The following HPSE2 variants were observed in gnomAD, a reference collection of about 807,000 sequenced individuals.
The protein encoded by HPSE2 is inactive heparanase-2.
In HPSE2, 38 loss-of-function variants were observed where a neutral mutation model predicts 60.5. The ratio of observed to expected loss-of-function variants is 0.63; its 90% CI spans 0.48 to 0.82. The LOEUF (loss-of-function observed/expected upper bound fraction) is 0.82, where lower values mean the gene tolerates loss of function less well. Ranked by LOEUF, HPSE2 falls within the 40% of genes least tolerant of loss-of-function variation. The pLI is 0.00. For synonymous variants in HPSE2, 295 were observed against 293.2 expected, an observed-to-expected ratio of 1.01 and a Z score of -0.06; for missense variants, 713 against 740.4, an observed-to-expected ratio of 0.96 and a Z score of 0.43.
At chr10:98,956,439 A>C (rs2135214301) in intron 3 of HPSE2, among the ~76,000 whole-genome samples, 1 of 152,262 alleles carries the variant, frequency 6.6e-6, no homozygotes, top group Admixed American at 6.5e-5. Flanking sequence ...AGTAAGATAA[A>C]ACTTATTTCT....
intron 3 of HPSE2, among the ~76,000 whole-genome samples, chr10:99,020,281 A>C (rs1957233830): frequency 6.6e-6 from 1 of 152,132 alleles, no homozygotes; most frequent in Admixed American, 6.6e-5. Flanking sequence ...TAAATATATA[A>C]TTCATAAACT....
At chr10:98,796,484 G>A (rs1589839150) in intron 3 of HPSE2, among the ~76,000 whole-genome samples, 2 of 152,188 alleles carry the variant, frequency 1.3e-5, no homozygotes, top group African/African-American at 4.8e-5. Context: ...GTATTGTGGT[G>A]TGAGTGCCAG....
rs570672208 is a variant in HPSE2, at chr10:98,867,654, A to G, written c.611-123598T>C. ...ATCCCACTGCTGGATATACACCCCAAAGAAAGAAAATTAGTATATCAAAGA... is the reference window on the plus strand; with the variant it reads ...ATCCCACTGCTGGATATACACCCCAGAGAAAGAAAATTAGTATATCAAAGA... On this transcript the variant is annotated intron_variant, in intron 3 of 11. Transcript: ENST00000370552. 1.8e-4 allele frequency among the ~76,000 whole-genome samples: 27 copies of G among 152,324 alleles called. 1 individual carries two copies. The highest frequency in any genetic ancestry group is 1.7e-3 in the South Asian group (8 of 4,828).
At chr10:99,111,529 A>G (rs1263832136) in intron 3 of HPSE2, among the ~76,000 whole-genome samples, 4 of 152,192 alleles carry the variant, frequency 2.6e-5, no homozygotes, top group Non-Finnish European at 5.9e-5. Flanking sequence ...AAAGAACAAG[A>G]AGGAAGAAAG....
At chr10:98,995,506 G>C (rs1956623126) in intron 3 of HPSE2, among the ~76,000 whole-genome samples, 1 of 152,010 alleles carries the variant, frequency 6.6e-6, no homozygotes, top group African/African-American at 2.4e-5. Flanking sequence ...CTACCTCTTT[G>C]AAAAAGTCAC....
intron 4 of HPSE2, among the ~76,000 whole-genome samples, chr10:98,742,731 T>C (rs897273227): frequency 4.0e-5 from 6 of 151,494 alleles, no homozygotes; most frequent in Non-Finnish European, 8.8e-5. Flanking sequence ...TTGTGTTCCA[T>C]GGAGTATTGT....
intron 3 of HPSE2, among the ~76,000 whole-genome samples, chr10:98,938,640 A>G (rs1240160994): frequency 6.9e-6 from 1 of 144,266 alleles, no homozygotes; most frequent in South Asian, 2.1e-4. Flanking sequence ...GGGAGAATGC[A>G]ACCAAGTTGG....
the HPSE2 span, among the ~76,000 whole-genome samples, chr10:99,302,367 G>A: frequency 6.9e-6 from 1 of 144,830 alleles, no homozygotes; most frequent in Non-Finnish European, 1.6e-5. Flanking sequence ...ACTTTTAGAT[G>A]CTGTCCAGCT....
At chr10:98,882,927 G>C (rs1590005030) in intron 3 of HPSE2, among the ~76,000 whole-genome samples, 1 of 152,068 alleles carries the variant, frequency 6.6e-6, no homozygotes, top group East Asian at 1.9e-4. Flanking sequence ...GTATTAGCAG[G>C]TTGTTGTTAT....
At chr10:98,576,976 C>T (rs1162560592) in intron 9 of HPSE2, among the ~76,000 whole-genome samples, 1 of 151,860 alleles carries the variant, frequency 6.6e-6, no homozygotes, top group Non-Finnish European at 1.5e-5. Flanking sequence ...ATTTCTGGTA[C>T]GAACGATGAG....
At chr10:98,678,554 T>A (rs543232294) in intron 6 of HPSE2, among the ~76,000 whole-genome samples, 1 of 152,234 alleles carries the variant, frequency 6.6e-6, no homozygotes, top group South Asian at 2.1e-4. Context: ...GTTATTGTGC[T>A]GAGTCAGGTG....
chr10:98,856,805 A>G (rs1358959618), intron 3 of HPSE2, among the ~76,000 whole-genome samples: 3 of 152,152 alleles, frequency 2.0e-5, no homozygotes, highest in Non-Finnish European at 4.4e-5. Flanking sequence ...GTCACCCCAC[A>G]TGTAGTCATT....
chr10:98,852,948 C>G (rs1236515943), intron 3 of HPSE2, among the ~76,000 whole-genome samples: 1 of 152,218 alleles, frequency 6.6e-6, no homozygotes, highest in Non-Finnish European at 1.5e-5. Context: ...ATAACCTACA[C>G]TGGATCATTT....
At chr10:98,750,729 G>A (rs1252805169) in intron 3 of HPSE2, among the ~76,000 whole-genome samples, 1 of 152,156 alleles carries the variant, frequency 6.6e-6, no homozygotes, top group Non-Finnish European at 1.5e-5. Flanking sequence ...TATGAAGGAA[G>A]TGTGAAAGAT....
chr10:98,562,807 A>G (rs1396403401), intron 9 of HPSE2, among the ~76,000 whole-genome samples: 3 of 151,684 alleles, frequency 2.0e-5, no homozygotes, highest in African/African-American at 7.3e-5. Context: ...GATTCTATGT[A>G]CAAATTTCTC....
rs77910507 is a variant in HPSE2, at chr10:98,806,699, C to G, written c.611-62643G>C. Reference sequence around the variant, plus strand: ...AATGGATATAATACTTTTTAAGTAACTAGACTGTTATGTGAATGTTGTGTA... The same window carrying G: ...AATGGATATAATACTTTTTAAGTAAGTAGACTGTTATGTGAATGTTGTGTA... On this transcript the variant is annotated intron_variant, in intron 3 of 11. Transcript: ENST00000370552. Among the ~76,000 whole-genome samples the G allele has an allele frequency of 1.1e-3, 169 of 152,286 alleles. 3 individuals carry two copies. The highest frequency in any genetic ancestry group is 3.8e-3 in the African/African-American group (157 of 41,564).
intron 9 of HPSE2, among the ~76,000 whole-genome samples, chr10:98,547,482 A>T (rs1476832875): frequency 3.3e-5 from 5 of 150,164 alleles, no homozygotes; most frequent in Admixed American, 3.3e-4. Flanking sequence ...GCCATAAAAA[A>T]TGATGAGTTC....
intron 3 of HPSE2, among the ~76,000 whole-genome samples, chr10:98,858,205 C>A (rs1338177045): frequency 6.6e-6 from 1 of 152,176 alleles, no homozygotes; most frequent in East Asian, 1.9e-4. Flanking sequence ...ACATCCCAAT[C>A]TTTGAAAGAT....
At chr10:99,110,718 C>A (rs1844425278) in intron 3 of HPSE2, among the ~76,000 whole-genome samples, 1 of 152,030 alleles carries the variant, frequency 6.6e-6, no homozygotes. Flanking sequence ...ATTGAAATTA[C>A]CCAAAAAAAT....
Sources: gnomAD v4.1 joint callset for allele counts (sites outside exome capture counted in the v4.1 genomes callset) on GRCh38, gnomAD v4.1.1 for gene constraint, MANE v1.5 for transcripts, NCBI Gene and HGNC (gene_info 2026-07-23, HGNC 2026-07-21) for gene names.